Variants in THAP6 observed in about 807,000 individuals in gnomAD.
THAP6 encodes THAP domain containing 6.
In THAP6, 13 loss-of-function variants were observed where a neutral mutation model predicts 20.0. The ratio of observed to expected loss-of-function variants is 0.65; its 90% confidence interval spans 0.42 to 1.03. THAP6 has a LOEUF of 1.03. Ranked by LOEUF, THAP6 falls within the 50% of genes least tolerant of loss-of-function variation. The pLI, the probability that THAP6 is intolerant of heterozygous loss-of-function variation, is 0.00. For missense variants in THAP6, 262 were observed against 261.6 expected (o/e 1.00, Z -0.01); for synonymous variants, 93 against 92.2 (o/e 1.01, Z -0.05).
downstream of THAP6, among the ~76,000 whole-genome samples, chr4:75,532,172 T>A (rs1416103474): frequency 6.6e-6 from 1 of 152,124 alleles, no homozygotes; most frequent in East Asian, 1.9e-4. Context: ...ACTTCCTAGA[T>A]ACAATGAGGT....
At chr4:75,530,651 G>A (rs1475019944), downstream of THAP6, among the ~76,000 whole-genome samples, 1 of 152,142 alleles carries the variant, frequency 6.6e-6, no homozygotes, top group African/African-American at 2.4e-5. Context: ...TAACCTTGGG[G>A]ACAAGACCAT....
At position 75,525,009 on chromosome 4, in the gene THAP6, C is replaced by T. The variant is rs556507035; in HGVS notation, c.415-1951C>T. Among the ~76,000 whole-genome samples the T allele has an allele frequency of 1.2e-3, 189 of 152,276 alleles. 1 individual carries two copies. The highest frequency in any genetic ancestry group is 2.3e-3 in the Non-Finnish European group (159 of 68,000). On this transcript the variant is annotated intron_variant, in intron 4 of 4. Transcript: ENST00000311638. ...CTAAGCTCAGGCGATCCCCCTGCCT[C>T]GGCCTCCCTAAGTGCTGGGCCAGGC...
intron 3 of THAP6, among the ~76,000 whole-genome samples, chr4:75,519,892 A>T (rs1415568600): frequency 1.3e-5 from 2 of 151,984 alleles, no homozygotes; most frequent in African/African-American, 4.8e-5. Flanking sequence ...TAGATCCCTG[A>T]GGAGTCGCCA....
chr4:75,520,101 G>A (rs1171452140), intron 3 of THAP6, among the ~76,000 whole-genome samples: 2 of 152,082 alleles, frequency 1.3e-5, no homozygotes, highest in South Asian at 2.1e-4. Flanking sequence ...ATTTTTTCAT[G>A]TGTTTTTTGG....
At chr4:75,525,522 A>G (rs1726309591) in intron 4 of THAP6, among the ~76,000 whole-genome samples, 1 of 152,210 alleles carries the variant, frequency 6.6e-6, no homozygotes, top group African/African-American at 2.4e-5. Context: ...TATATAGAAT[A>G]CAATTTTAAT....
intron 4 of THAP6, among the ~76,000 whole-genome samples, chr4:75,524,206 C>A (rs1726222413): frequency 1.3e-5 from 2 of 152,158 alleles, no homozygotes; most frequent in South Asian, 4.1e-4. Context: ...GTACAAAAAT[C>A]TTATAGTCGT....
chr4:75,514,117 C>T (rs767151434), upstream of THAP6: 1 of 1,545,906 alleles, frequency 6.5e-7, no homozygotes, highest in Non-Finnish European at 8.8e-7. Flanking sequence ...AAACTTAAAT[C>T]CAAGCCTAAC....
chr4:75,526,368 G>A (rs1385367441), intron 4 of THAP6, among the ~76,000 whole-genome samples: 3 of 151,836 alleles, frequency 2.0e-5, no homozygotes, highest in South Asian at 2.1e-4. Context: ...TTATTTTATA[G>A]TACCTTTATA....
rs1560548113 is a variant in THAP6, at chr4:75,528,984, C to T, written c.*1770C>T. ...AGGAGAATTGCTTGAACCCGGGAGGCGGAGATTGCAGTGAGCCAAGATCAC... is the reference window on the plus strand; with the variant it reads ...AGGAGAATTGCTTGAACCCGGGAGGTGGAGATTGCAGTGAGCCAAGATCAC... On this transcript the variant is annotated 3_prime_UTR_variant, in exon 5 of 5. Transcript: ENST00000311638. 2 of 512,770 alleles carry T rather than the reference C, an allele frequency of 3.9e-6. No individual in the cohort carries two copies. Among genetic ancestry groups the T allele is most frequent in the Non-Finnish European group, 5.0e-6 (2 of 398,704 alleles). The allele number at this position is 512,770 out of a possible 1,614,324, so 31.8% of individuals were successfully genotyped here. A position where few individuals can be genotyped will look rare whatever the true frequency, so the allele number is the denominator to read the frequency against.
intron 2 of THAP6, among the ~76,000 whole-genome samples, chr4:75,535,240 T>C (rs1726817905): frequency 6.6e-6 from 1 of 152,176 alleles, no homozygotes; most frequent in African/African-American, 2.4e-5. Context: ...CATGGGGAAC[T>C]ACAAGATGAA....
rs147881661 is a variant in THAP6, at chr4:75,523,883, G to A, written c.414+2022G>A. Among the ~76,000 whole-genome samples, 1,321 of 151,150 alleles carry A rather than the reference G, an allele frequency of 8.7e-3. 31 individuals are homozygous for A. Among genetic ancestry groups the A allele is most frequent in the Admixed American group, 0.051 (768 of 15,158 alleles). Reference sequence around the variant, plus strand: ...GTTTCCCCAATGTTTTCTTGTAGTCGTTTCATAGTTTGAGGTCTTAGATTT... The same window carrying A: ...GTTTCCCCAATGTTTTCTTGTAGTCATTTCATAGTTTGAGGTCTTAGATTT... On this transcript the variant is annotated intron_variant, in intron 4 of 4. Coordinates refer to ENST00000311638, the MANE Select transcript of THAP6 (RefSeq NM_144721.6).
intron 2 of THAP6, among the ~76,000 whole-genome samples, chr4:75,541,188 T>C (rs1380280487): frequency 6.6e-6 from 1 of 152,204 alleles, no homozygotes; most frequent in Non-Finnish European, 1.5e-5. Context: ...ACGTGAGGGC[T>C]ACGTGAGGAC....
chr4:75,527,113 T>G lies in THAP6; in HGVS notation c.568T>G (p.Leu190Val), dbSNP rs1363147609. Residue 190 changes from leucine to valine, a missense_variant, in exon 5 of 5, where the codon TTA (leucine) becomes GTA (valine). Leu to Val is a conservative substitution (Grantham distance 32). Transcript: ENST00000311638. ...ATCATTGAGGAAGACAATCAGGGAA[T>G]TAAAGGATGAATGTCTGATCAGCCA... is the stretch of plus-strand genomic sequence containing the variant. ...QKSLRKTIRE[L>V]KDECLISQET... 1 of 1,614,052 alleles carries G rather than the reference T, an allele frequency of 6.2e-7. No homozygotes were observed. Among genetic ancestry groups the G allele is most frequent in the Non-Finnish European group, 8.5e-7 (1 of 1,179,974 alleles).
At chr4:75,542,007 A>G (rs143987096) in intron 2 of THAP6, among the ~76,000 whole-genome samples, 2 of 152,232 alleles carry the variant, frequency 1.3e-5, no homozygotes, top group African/African-American at 4.8e-5. Flanking sequence ...AAAATGAGGT[A>G]TTACTTGTTA....
Position 75,524,512 on chromosome 4 carries a change from T to A in THAP6, c.415-2448T>A, listed in dbSNP as rs187264713. ...GCTGGTGATGAATTCTTTCAGTATT[T>A]CTGTTGCTTAAAAAGTTTAATCTTC... On this transcript the variant is annotated intron_variant, in intron 4 of 4. Coordinates refer to ENST00000311638, the MANE Select transcript of THAP6 (RefSeq NM_144721.6). Among the ~76,000 whole-genome samples, 534 of 152,298 alleles carry A rather than the reference T, an allele frequency of 3.5e-3. 4 individuals carry two copies. Among genetic ancestry groups the A allele is most frequent in the African/African-American group, 0.013 (522 of 41,552 alleles).
intron 2 of THAP6, 107 bp from the exon 3 acceptor site, chr4:75,516,665 T>C: frequency 1.2e-6 from 1 of 857,342 alleles, no homozygotes; most frequent in Non-Finnish European, 1.8e-6. Flanking sequence ...TCAAGACTAA[T>C]AAACTAGTTA....
chr4:75,536,197 G>T (rs1344220100), intron 2 of THAP6, among the ~76,000 whole-genome samples: 2 of 152,226 alleles, frequency 1.3e-5, no homozygotes, highest in African/African-American at 4.8e-5. Flanking sequence ...GGGCACAGTG[G>T]TTCACGCCTG....
At chr4:75,531,900 G>A (rs28871288), downstream of THAP6, among the ~76,000 whole-genome samples, 46,852 of 151,622 alleles carry the variant, frequency 0.31, 7,601 homozygotes, top group Non-Finnish European at 0.35. Flanking sequence ...TCTCCCACTG[G>A]GTCCCTCCCA....
chr4:75,526,777 A>G (rs1207054984), intron 4 of THAP6, among the ~76,000 whole-genome samples, 183 bp from the exon 5 acceptor site: 1 of 152,178 alleles, frequency 6.6e-6, no homozygotes, highest in Admixed American at 6.6e-5. Flanking sequence ...AAAAGGAGGG[A>G]TGCCCTTAGC....
Sources: allele counts gnomAD v4.1 joint callset (sites outside exome capture counted in the v4.1 genomes callset), GRCh38; gene constraint gnomAD v4.1.1; transcripts MANE v1.5; gene names NCBI Gene and HGNC (gene_info 2026-07-23, HGNC 2026-07-21).